Variants in RBL1 observed in about 807,000 individuals in gnomAD.
RBL1 encodes retinoblastoma-like protein 1.
In RBL1, 82 loss-of-function variants were observed where a neutral mutation model predicts 123.0. The observed-to-expected ratio is 0.67, with a 90% CI of 0.56 to 0.80. RBL1 has a LOEUF of 0.80. Ranked by LOEUF, RBL1 falls within the 30% of genes least tolerant of loss-of-function variation. The pLI, the probability that RBL1 is intolerant of heterozygous loss-of-function variation, is 0.00. For missense variants in RBL1, 1,171 were observed against 1,299.6 expected (o/e 0.90, Z 1.52); for synonymous variants, 405 against 441.3 (o/e 0.92, Z 1.03).
At chr20:37,039,000 C>T (rs113312348) in intron 14 of RBL1, among the ~76,000 whole-genome samples, 3,282 of 152,212 alleles carry the variant, frequency 0.022, 53 homozygotes, top group Middle Eastern at 0.034. Flanking sequence ...ATGGATGTAC[C>T]GTACTATGTA....
At position 37,020,696 on chromosome 20, in the gene RBL1, A is replaced by C; in HGVS notation, c.2594T>G (p.Met865Arg). 2.5e-6 allele frequency: 4 copies of C among 1,589,440 alleles called. No individual in the cohort carries two copies. Among genetic ancestry groups the C allele is most frequent in the Non-Finnish European group, 3.4e-6 (4 of 1,165,782 alleles). The change falls in exon 18 of 22, where the codon ATG becomes AGG. Residue 865 changes from methionine to arginine, a missense_variant. Coordinates refer to ENST00000373664, the MANE Select transcript of RBL1 (RefSeq NM_002895.5). Reference sequence around the variant, plus strand: ...TTGGGGCTGATTCCTATAACTTTTCATAATTTCTTGAAAAGTTCTTTCTTC... The same window carrying C: ...TTGGGGCTGATTCCTATAACTTTTCCTAATTTCTTGAAAAGTTCTTTCTTC... The part of the protein sequence containing the change: ...TKEERTFQEI[M>R]KSYRNQPQAN...
intron 12 of RBL1, among the ~76,000 whole-genome samples, chr20:37,045,015 AC>A (rs1385636392): frequency 6.6e-6 from 1 of 152,102 alleles, no homozygotes; most frequent in African/African-American, 2.4e-5. Flanking sequence ...GTTTATATAC[AC>A]AAAATATTAA....
intron 11 of RBL1, among the ~76,000 whole-genome samples, chr20:37,054,028 TACACACACACACACAC>T (rs55898438): frequency 6.8e-6 from 1 of 146,844 alleles, no homozygotes; most frequent in Non-Finnish European, 1.5e-5. Context: ...TACAATTTTA[TACACACACACACACAC>T]ACACACACAC....
intron 19 of RBL1, among the ~76,000 whole-genome samples, chr20:37,015,751 A>C (rs2064240298): frequency 2.0e-5 from 3 of 148,408 alleles, no homozygotes. Flanking sequence ...TTTGAGATAG[A>C]GTCTAGCTCT....
chr20:37,070,417 T>C (rs941662004), intron 2 of RBL1, among the ~76,000 whole-genome samples: 1 of 151,884 alleles, frequency 6.6e-6, no homozygotes, highest in African/African-American at 2.4e-5. Context: ...ACTATTGTCC[T>C]ATGACCCTGC....
chr20:37,000,871 C>A (rs1199761446), intron 21 of RBL1, among the ~76,000 whole-genome samples: 2 of 143,468 alleles, frequency 1.4e-5, no homozygotes, highest in Non-Finnish European at 3.1e-5. Flanking sequence ...CTCTGCCCGG[C>A]CAGCCGCCCC....
At chr20:37,053,545 A>G (rs999338388) in intron 11 of RBL1, among the ~76,000 whole-genome samples, 1 of 152,176 alleles carries the variant, frequency 6.6e-6, no homozygotes, top group Non-Finnish European at 1.5e-5. Flanking sequence ...GAATAACTGG[A>G]TAAGTAATAA....
intron 2 of RBL1, among the ~76,000 whole-genome samples, chr20:37,068,728 G>C (rs2065224580): frequency 6.6e-6 from 1 of 152,038 alleles, no homozygotes; most frequent in East Asian, 1.9e-4. Context: ...TTAACAGATT[G>C]ACAGGTTATA....
intron 2 of RBL1, among the ~76,000 whole-genome samples, chr20:37,083,473 A>C (rs1244554461): frequency 1.3e-5 from 2 of 149,186 alleles, no homozygotes; most frequent in Admixed American, 1.3e-4. Flanking sequence ...TGTCTCAAAA[A>C]ACACAAACAA....
chr20:37,057,746 C>T (rs2065031532), intron 9 of RBL1, among the ~76,000 whole-genome samples: 2 of 151,952 alleles, frequency 1.3e-5, no homozygotes, highest in South Asian at 2.1e-4. Context: ...CCCAGCACTT[C>T]GGGAGGCCAA....
At chr20:37,008,189 A>G (rs2064105401) in intron 19 of RBL1, among the ~76,000 whole-genome samples, 1 of 152,212 alleles carries the variant, frequency 6.6e-6, no homozygotes, top group African/African-American at 2.4e-5. Flanking sequence ...TAAGTTCTAC[A>G]GTATGGGAGG....
intron 2 of RBL1, among the ~76,000 whole-genome samples, chr20:37,083,803 CA>C (rs1172662647): frequency 2.1e-5 from 3 of 145,944 alleles, no homozygotes; most frequent in African/African-American, 5.0e-5. Context: ...GATTCTAGCT[CA>C]AAAAAAAATA....
chr20:37,067,422 A>T, intron 3 of RBL1, 125 bp from the exon 4 acceptor site: 1 of 785,586 alleles, frequency 1.3e-6, no homozygotes, highest in African/African-American at 1.8e-5. Context: ...AAGAAAAGTA[A>T]TCTATTATTT....
intron 16 of RBL1, among the ~76,000 whole-genome samples, chr20:37,025,059 C>A (rs181902160): frequency 6.6e-6 from 1 of 152,106 alleles, no homozygotes; most frequent in African/African-American, 2.4e-5. Flanking sequence ...GCTCCAAAAC[C>A]CACAATGTAA....
chr20:37,073,460 G>T (rs1307276907), intron 2 of RBL1, among the ~76,000 whole-genome samples: 1 of 152,074 alleles, frequency 6.6e-6, no homozygotes, highest in African/African-American at 2.4e-5. Context: ...CACTTTGGGT[G>T]ACTGAGGTGG....
At chr20:37,049,355 A>C in intron 11 of RBL1, 29 of 674,256 alleles carry the variant, frequency 4.3e-5, no homozygotes, top group East Asian at 1.1e-4. Context: ...AGGATAAGGA[A>C]GGAATTCCTC....
Position 37,027,531 on chromosome 20 carries a change from T to C in RBL1, c.2383-4705A>G, listed in dbSNP as rs368580809. Among the ~76,000 whole-genome samples the C allele has an allele frequency of 2.4e-4, 36 of 152,310 alleles. No individual in the cohort carries two copies. In the East Asian group the frequency reaches 5.6e-3, roughly 24 times the overall value. The stretch of plus-strand genomic sequence containing the variant: ...AGAATGGGCTAGCCAACCATCTAGC[T>C]GTGGGATGCACTGCAGTCATGTTTG... On this transcript the variant is annotated intron_variant, in intron 16 of 21. Transcript: ENST00000373664.
At chr20:37,011,991 T>A (rs1463386600) in intron 19 of RBL1, among the ~76,000 whole-genome samples, 1 of 152,228 alleles carries the variant, frequency 6.6e-6, no homozygotes, top group Non-Finnish European at 1.5e-5. Context: ...GCCTGCCCAG[T>A]GCCTGCGATT....
intron 1 of RBL1, among the ~76,000 whole-genome samples, chr20:37,093,115 TTA>T (rs1412281460): frequency 6.6e-6 from 1 of 152,008 alleles, no homozygotes; most frequent in African/African-American, 2.4e-5. Flanking sequence ...TGACTACAGT[TTA>T]GGGAAGGCCT....
Sources: gnomAD v4.1 joint callset for allele counts (sites outside exome capture counted in the v4.1 genomes callset) on GRCh38, gnomAD v4.1.1 for gene constraint, MANE v1.5 for transcripts, NCBI Gene and HGNC (gene_info 2026-07-23, HGNC 2026-07-21) for gene names.